FLG: variants seen among roughly 807,000 people sequenced by gnomAD.
FLG encodes filaggrin.
FLG carries 6 observed loss-of-function variants against 3.8 expected under a neutral mutation model. The ratio of observed to expected loss-of-function variants is 1.60; its 90% confidence interval spans 0.87 to 3.15. The LOEUF is 3.15. FLG is among the 30% of genes most tolerant of loss of function. FLG has a pLI of 0.00. For synonymous variants in FLG, 2,551 were observed against 1,931.6 expected (o/e 1.32, Z -8.41); for missense variants, 7,595 against 5,050.9 (o/e 1.50, Z -15.27).
intron 1 of FLG, among the ~76,000 whole-genome samples, chr1:152,323,157 GA>G (rs1338372853): frequency 2.6e-5 from 4 of 151,138 alleles, no homozygotes; most frequent in South Asian, 4.2e-4. Flanking sequence ...TTTTCAAATG[GA>G]AAAAAAATAG....
rs1049220158 is a variant in FLG, at chr1:152,312,158, C to G, written c.2728G>C (p.Gly910Arg). The G allele has an allele frequency of 1.2e-6, 2 of 1,614,022 alleles. No individual in the cohort carries two copies. The highest frequency in any genetic ancestry group is 2.2e-5 in the East Asian group (1 of 44,852). ...GAGGAAGCTTCATGGTGACGTGACC[C>G]TGAGTGCCTGGAGCCGTCTCTTGAT... is the stretch of plus-strand genomic sequence containing the variant. ...EQSRDGSRHSGSRHHEASSHA... is the reference protein window; with the variant it reads ...EQSRDGSRHSRSRHHEASSHA... Residue 910 changes from glycine to arginine, a missense_variant, in exon 3 of 3, where the codon GGG (glycine) becomes CGG (arginine). Transcript: ENST00000368799.
At chr1:152,315,167 G>A in intron 2 of FLG, 152 bp downstream of exon 2, 1 of 735,616 alleles carries the variant, frequency 1.4e-6, no homozygotes, top group South Asian at 1.9e-5. Flanking sequence ...CCAGGTATAG[G>A]GGAAGAAAAT....
Position 152,308,766 on chromosome 1 carries a change from A to T in FLG, c.6120T>A (p.Ser2040Arg). ...CCTCACTGTCACTGGCCTGACTACC[A>T]CTGTACCCTCGGTGTCCACTGTCTC... is the stretch of plus-strand genomic sequence containing the variant. ...AVRDSGHRGY[S>R]GSQASDSEGH... The change falls in exon 3 of 3, where the codon AGT (serine) becomes AGA (arginine). Residue 2040 changes from serine to arginine, a missense_variant. Transcript: ENST00000368799. 6.2e-7 allele frequency: 1 copy of T among 1,613,758 alleles called. No homozygotes were observed. The highest frequency in any genetic ancestry group is 1.1e-5 in the South Asian group (1 of 91,058).
chr1:152,314,710 T>C lies in FLG; in HGVS notation c.176A>G (p.Asp59Gly), dbSNP rs1385160385. 1.2e-6 allele frequency: 2 copies of C among 1,613,820 alleles called. No homozygotes were observed. The highest frequency in any genetic ancestry group is 2.7e-5 in the African/African-American group (2 of 74,934). ...CTTGTTGTGGTCTATATCCAAGTGA[T>C]CCATGAAGACATCAACCATATCTGG... ...DDPDMVDVFM[D>G]HLDIDHNKKI... The change falls in exon 3 of 3, where the codon GAT becomes GGT. Residue 59 changes from aspartate to glycine, a missense_variant. Physicochemically the swap from Asp to Gly is moderately conservative, Grantham distance 94 (BLOSUM62 -1). Transcript: ENST00000368799.
intron 2 of FLG, chr1:152,315,034 C>T (rs1379591643): frequency 2.4e-6 from 1 of 415,162 alleles, no homozygotes; most frequent in Non-Finnish European, 4.2e-6. Context: ...ACAAAAATCC[C>T]CTTAGTAATG....
chr1:152,314,193 G>T lies in FLG; in HGVS notation c.693C>A (p.Gly231=). ...GRMTQKWIQS[G]HIATYYTIQD... is the part of the protein sequence containing the mutation. ...GGATTGTGTAATATGTGGCAATATG[G>T]CCTGATTGTATCCATTTTTGAGTCA... The change falls in exon 3 of 3, where the codon GGC becomes GGA. Residue 231 remains glycine (G), a synonymous_variant. Coordinates refer to ENST00000368799, the MANE Select transcript of FLG (RefSeq NM_002016.2). 6.2e-7 allele frequency: 1 copy of T among 1,613,938 alleles called. No individual in the cohort carries two copies. Among genetic ancestry groups the T allele is most frequent in the South Asian group, 1.1e-5 (1 of 91,066 alleles).
At chr1:152,320,970 T>G (rs1652948366) in intron 1 of FLG, among the ~76,000 whole-genome samples, 1 of 150,908 alleles carries the variant, frequency 6.6e-6, no homozygotes, top group African/African-American at 2.4e-5. Flanking sequence ...GAAAATATTT[T>G]GAACTAAATG....
At position 152,314,208 on chromosome 1, in the gene FLG, T is replaced by G. The variant is rs775168514; in HGVS notation, c.678A>C (p.Lys226Asn). 6 of 1,613,922 alleles carry G rather than the reference T, an allele frequency of 3.7e-6. 1 individual carries two copies. The South Asian group carries it at 6.6e-5, about 18-fold the overall frequency. ...DYENTGRMTQ[K>N]WIQSGHIATY... is the part of the protein sequence containing the mutation. ...TGGCAATATGGCCTGATTGTATCCA[T>G]TTTTGAGTCATTCTTCCTGTATTTT... The change falls in exon 3 of 3, where the codon AAA becomes AAC. Residue 226 changes from lysine (K) to asparagine (N), a missense_variant. Lys to Asn is a moderately conservative substitution (Grantham distance 94). Coordinates refer to ENST00000368799, the MANE Select transcript of FLG (RefSeq NM_002016.2).
In FLG at chr1:152,309,779, A is replaced by T. The variant is rs1443928996; in HGVS notation, c.5107T>A (p.Ser1703Thr). ...TDSGTGRRQD[S>T]SVVGDSGNRG... is the part of the protein sequence containing the mutation. The stretch of plus-strand genomic sequence containing the variant: ...TTTCCACTGTCTCCGACTACAGATG[A>T]ATCTTGTCTGCGCCCAGTGCCTGAG... The change falls in exon 3 of 3, where the codon TCA (serine) becomes ACA (threonine). Residue 1703 changes from serine (S) to threonine (T), a missense_variant. Ser to Thr is a moderately conservative substitution (Grantham distance 58). Transcript: ENST00000368799. 1 of 1,613,074 alleles carries T rather than the reference A, an allele frequency of 6.2e-7. No individual in the cohort carries two copies. The highest frequency in any genetic ancestry group is 1.7e-5 in the Admixed American group (1 of 59,918).
In FLG at chr1:152,308,248, G is replaced by C. The variant is rs751279427; in HGVS notation, c.6638C>G (p.Ala2213Gly). The C allele has an allele frequency of 6.2e-7, 1 of 1,614,030 alleles. No homozygotes were observed. The change falls in exon 3 of 3, where the codon GCT (alanine) becomes GGT (glycine). Residue 2213 changes from alanine (A) to glycine (G), a missense_variant. Ala to Gly is a moderately conservative substitution (Grantham distance 60). Coordinates refer to ENST00000368799, the MANE Select transcript of FLG (RefSeq NM_002016.2). ...TCTAGAGCTGTCGGCCCAAGAGGAA[G>C]CTTCATGATGATGCGACCCTGAGTG... is the stretch of plus-strand genomic sequence containing the variant. Reference protein sequence around the residue: ...SRHSGSHHHEASSWADSSRHS... With the variant: ...SRHSGSHHHEGSSWADSSRHS...
At position 152,311,064 on chromosome 1, in the gene FLG, A is replaced by C. The variant is rs1201806085; in HGVS notation, c.3822T>G (p.Ser1274Arg). 4 of 1,613,192 alleles carry C rather than the reference A, an allele frequency of 2.5e-6. 1 individual carries two copies. Among genetic ancestry groups the C allele is most frequent in the African/African-American group, 1.3e-5 (1 of 74,622 alleles). The change falls in exon 3 of 3, where the codon AGT becomes AGG. Residue 1274 changes from serine to arginine, a missense_variant. Ser to Arg is a moderately radical substitution (Grantham distance 110). Transcript: ENST00000368799. ...RHQGSSVSQDSDSERHSDDSE... is the reference protein window; with the variant it reads ...RHQGSSVSQDRDSERHSDDSE... ...AGTCGTCTGAGTGTCTCTCACTGTCACTGTCCTGGCTAACACTGGATCCCT... is the reference window on the plus strand; with the variant it reads ...AGTCGTCTGAGTGTCTCTCACTGTCCCTGTCCTGGCTAACACTGGATCCCT...
At position 152,308,519 on chromosome 1, in the gene FLG, G is replaced by T. The variant is rs145119684; in HGVS notation, c.6367C>A (p.Gln2123Lys). ...GRQGSHYDQA[Q>K]DSSRHSASQE... Reference sequence around the variant, plus strand: ...GATGCTGAGTGCCTGGAGCTGTCTTGTGCCTGATCATAATGGGATCCTTGT... The same window carrying T: ...GATGCTGAGTGCCTGGAGCTGTCTTTTGCCTGATCATAATGGGATCCTTGT... The change falls in exon 3 of 3, where the codon CAA becomes AAA. Residue 2123 changes from glutamine (Q) to lysine (K), a missense_variant. Gln to Lys is a moderately conservative substitution (Grantham distance 53). Coordinates refer to ENST00000368799, the MANE Select transcript of FLG (RefSeq NM_002016.2). The T allele has an allele frequency of 8.1e-6, 13 of 1,613,546 alleles. No individual in the cohort carries two copies. Among genetic ancestry groups the T allele is most frequent in the Middle Eastern group, 1.7e-4 (1 of 6,060 alleles).
chr1:152,313,346 C>T lies in FLG; in HGVS notation c.1540G>A (p.Asp514Asn), dbSNP rs1283908793. 2 of 1,613,576 alleles carry T rather than the reference C, an allele frequency of 1.2e-6. No individual in the cohort carries two copies. The highest frequency in any genetic ancestry group is 1.1e-5 in the South Asian group (1 of 91,036). Reference protein sequence around the residue: ...SRHSASQEGQDTIRGHPGSSR... With the variant: ...SRHSASQEGQNTIRGHPGSSR... ...GACCCCGGGTGTCCACGAATGGTGT[C>T]CTGACCCTCTTGGGACGCTGAATGC... The change falls in exon 3 of 3, where the codon GAC becomes AAC. Residue 514 changes from aspartate to asparagine, a missense_variant. By Grantham distance (23) the Asp-to-Asn change is conservative (BLOSUM62 1). Transcript: ENST00000368799.
In FLG at chr1:152,312,663, C is replaced by A; in HGVS notation, c.2223G>T (p.Gly741=). ...SSAVRDSGHR[G]SSGSQATDSE... Reference sequence around the variant, plus strand: ...TGTCAGTGGCCTGACTACCACTGGACCCTCGGTGTCCACTGTCTCTGACTG... The same window carrying A: ...TGTCAGTGGCCTGACTACCACTGGAACCTCGGTGTCCACTGTCTCTGACTG... Residue 741 remains glycine (G), a synonymous_variant, in exon 3 of 3, where the codon GGG becomes GGT. Transcript: ENST00000368799. 2 of 1,613,944 alleles carry A rather than the reference C, an allele frequency of 1.2e-6. No homozygotes were observed. Among genetic ancestry groups the A allele is most frequent in the Admixed American group, 1.7e-5 (1 of 60,010 alleles).
Position 152,314,865 on chromosome 1 carries a change from CT to C in FLG, c.139-119del, listed in dbSNP as rs34224823. 0.25 allele frequency: 254,476 copies of C among 1,002,078 alleles called. 15,606 individuals carry two copies. Among genetic ancestry groups the C allele is most frequent in the East Asian group, 0.55 (18,870 of 34,082 alleles). 62.1% of individuals were successfully genotyped at this position (1,002,078 alleles called of 1,614,324 possible). ...TGAGTATTAAAAAGTGGGACAAAAT[CT>C]TTTTTTTTTTTAAGACTTTTTTGTC... On this transcript the variant is annotated intron_variant, in intron 2 of 2. Coordinates refer to ENST00000368799, the MANE Select transcript of FLG (RefSeq NM_002016.2).
Position 152,307,584 on chromosome 1 carries a change from G to A in FLG, c.7302C>T (p.Ser2434=), listed in dbSNP as rs749473643. ...SESAHGRTGT[S]TGGRQGSHHK... ...GGTGGGATCCTTGTCTTCCTCCAGT[G>A]CTGGTCCCGGTCCGTCCATGGGCGG... The change falls in exon 3 of 3, where the codon AGC becomes AGT. Residue 2434 remains serine, a synonymous_variant. Coordinates refer to ENST00000368799, the MANE Select transcript of FLG (RefSeq NM_002016.2). 4 of 1,613,690 alleles carry A rather than the reference G, an allele frequency of 2.5e-6. No homozygotes were observed. Among genetic ancestry groups the A allele is most frequent in the Middle Eastern group, 1.7e-4 (1 of 6,058 alleles).
rs748785456 is a variant in FLG at position 152,309,442 on chromosome 1, C to G, written c.5444G>C (p.Gly1815Ala). The G allele has an allele frequency of 2.5e-6, 4 of 1,613,040 alleles. No homozygotes were observed. The highest frequency in any genetic ancestry group is 3.4e-6 in the Non-Finnish European group (4 of 1,179,876). ...ASQEGQDTIR[G>A]HPGSSRGGRQ... Reference sequence around the variant, plus strand: ...TCCTCCTCTGCTTGACCCTGGGTGTCCACGAATGGTGTCCTGACCCTCTTG... The same window carrying G: ...TCCTCCTCTGCTTGACCCTGGGTGTGCACGAATGGTGTCCTGACCCTCTTG... Residue 1815 changes from glycine (G) to alanine (A), a missense_variant, in exon 3 of 3, where the codon GGA becomes GCA. Transcript: ENST00000368799.
In FLG at chr1:152,304,344, G is replaced by A; in HGVS notation, c.10542C>T (p.Asp3514=). Reference sequence around the variant, plus strand: ...GGCCGGACTGTGAGTGTCTAGAGCTGTCCGCCTGAGTGGAAGCTTCATGGT... The same window carrying A: ...GGCCGGACTGTGAGTGTCTAGAGCTATCCGCCTGAGTGGAAGCTTCATGGT... ...SHHHEASTQA[D]SSRHSQSGQG... The change falls in exon 3 of 3, where the codon GAC becomes GAT. Residue 3514 remains aspartate (D), a synonymous_variant. Coordinates refer to ENST00000368799, the MANE Select transcript of FLG (RefSeq NM_002016.2). 6.2e-7 allele frequency: 1 copy of A among 1,611,874 alleles called. No homozygotes were observed. Among genetic ancestry groups the A allele is most frequent in the East Asian group, 2.2e-5 (1 of 44,586 alleles).
rs1457338677 is a variant in FLG, at chr1:152,314,586, C to T, written c.300G>A (p.Lys100=). Residue 100 remains lysine (K), a synonymous_variant, in exon 3 of 3, where the codon AAG becomes AAA. Coordinates refer to ENST00000368799, the MANE Select transcript of FLG (RefSeq NM_002016.2). ...TATCATGATGACTGTGCTTTCTGTG[C>T]TTGTGTCCTGATATCGGTAAATTCT... The part of the protein sequence containing the change: ...RKENLPISGH[K]HRKHSHHDKH... 2 of 1,613,786 alleles carry T rather than the reference C, an allele frequency of 1.2e-6. No individual in the cohort carries two copies. The highest frequency in any genetic ancestry group is 1.7e-4 in the Middle Eastern group (1 of 6,060).
Sources: gnomAD v4.1 joint callset for allele counts (sites outside exome capture counted in the v4.1 genomes callset) on GRCh38, gnomAD v4.1.1 for gene constraint, MANE v1.5 for transcripts, NCBI Gene and HGNC (gene_info 2026-07-23, HGNC 2026-07-21) for gene names.